The following CDYL2 variants were observed in gnomAD, a reference collection of about 807,000 sequenced individuals.
CDYL2 encodes the protein chromodomain Y like 2.
In CDYL2, 23 loss-of-function variants were observed where a neutral mutation model predicts 49.4. The observed-to-expected ratio is 0.47, with a 90% CI of 0.34 to 0.66. CDYL2 has a LOEUF of 0.66. Ranked by LOEUF, CDYL2 falls within the 30% of genes least tolerant of loss-of-function variation. The pLI, the probability that CDYL2 is intolerant of heterozygous loss-of-function variation, is 0.01. For missense variants in CDYL2, 678 were observed against 656.4 expected, an observed-to-expected ratio of 1.03 and a Z score of -0.36; for synonymous variants, 360 against 268.8, an observed-to-expected ratio of 1.34 and a Z score of -3.32.
intron 1 of CDYL2, among the ~76,000 whole-genome samples, chr16:80,781,052 A>G (rs1003953792): frequency 6.6e-6 from 1 of 152,214 alleles, no homozygotes; most frequent in African/African-American, 2.4e-5. Flanking sequence ...AAGCCCAGAA[A>G]TAATAAGCCC....
intron 1 of CDYL2, among the ~76,000 whole-genome samples, chr16:80,712,195 A>G (rs1190536790): frequency 2.5e-5 from 3 of 117,812 alleles, no homozygotes; most frequent in South Asian, 2.8e-4. Context: ...GTGTGTGTAT[A>G]TATATATATA....
intron 5 of CDYL2, among the ~76,000 whole-genome samples, chr16:80,610,255 C>T (rs1274788208): frequency 3.9e-5 from 6 of 152,112 alleles, no homozygotes; most frequent in African/African-American, 7.2e-5. Flanking sequence ...CAAAGGAAGA[C>T]GAGGAAGAAA....
intron 1 of CDYL2, among the ~76,000 whole-genome samples, chr16:80,762,332 G>A (rs764564042): frequency 3.3e-5 from 5 of 152,186 alleles, no homozygotes; most frequent in Non-Finnish European, 7.3e-5. Context: ...AAGAAAGAAC[G>A]TAAGAAAGCA....
intron 1 of CDYL2, among the ~76,000 whole-genome samples, chr16:80,726,857 C>T (rs1419284634): frequency 6.6e-6 from 1 of 151,876 alleles, no homozygotes; most frequent in African/African-American, 2.4e-5. Context: ...GAGGCTGAGG[C>T]AGGAGGATCA....
chr16:80,682,437 G>C (rs1416429865), intron 2 of CDYL2, among the ~76,000 whole-genome samples: 1 of 152,162 alleles, frequency 6.6e-6, no homozygotes, highest in Non-Finnish European at 1.5e-5. Context: ...ATGGACCAGG[G>C]GGCATCAGCA....
chr16:80,642,794 C>T (rs933641876), intron 2 of CDYL2, among the ~76,000 whole-genome samples: 3 of 152,088 alleles, frequency 2.0e-5, no homozygotes, highest in African/African-American at 7.2e-5. Flanking sequence ...GGGAAAATTG[C>T]CCCCATGATT....
intron 4 of CDYL2, among the ~76,000 whole-genome samples, chr16:80,615,124 C>G (rs372160521): frequency 1.3e-5 from 2 of 152,106 alleles, no homozygotes; most frequent in Non-Finnish European, 2.9e-5. Context: ...AGCTCTCAGT[C>G]CCTGCTGGCC....
chr16:80,636,698 C>A (rs28846148), intron 2 of CDYL2, among the ~76,000 whole-genome samples: 9,051 of 152,148 alleles, frequency 0.059, 826 homozygotes, highest in African/African-American at 0.2. Flanking sequence ...GCAATCCCAT[C>A]CTGGGTATAT....
chr16:80,731,387 A>C (rs1309282273), intron 1 of CDYL2, among the ~76,000 whole-genome samples: 1 of 152,142 alleles, frequency 6.6e-6, no homozygotes, highest in African/African-American at 2.4e-5. Flanking sequence ...TCTGAATAAC[A>C]AAAGTTCAAA....
At chr16:80,675,567 G>A (rs943459757) in intron 2 of CDYL2, among the ~76,000 whole-genome samples, 5 of 152,164 alleles carry the variant, frequency 3.3e-5, no homozygotes, top group Admixed American at 3.3e-4. Context: ...GAGTCAGGGT[G>A]GAGGAAGGCC....
chr16:80,681,565 TCAAG>T (rs896902018), intron 2 of CDYL2, among the ~76,000 whole-genome samples: 5 of 152,214 alleles, frequency 3.3e-5, no homozygotes, highest in Admixed American at 3.3e-4. Context: ...TCCTTCTCTC[TCAAG>T]CAAGGATTCT....
At chr16:80,679,612 T>C in intron 2 of CDYL2, 1 of 443,490 alleles carries the variant, frequency 2.3e-6, no homozygotes, top group Non-Finnish European at 4.5e-6. Context: ...CTCAGGGAAG[T>C]ACTTATACTC....
chr16:80,614,417 T>C (rs1906734777), intron 4 of CDYL2, among the ~76,000 whole-genome samples: 1 of 152,218 alleles, frequency 6.6e-6, no homozygotes, highest in Admixed American at 6.5e-5. Context: ...TGGAAGACAT[T>C]TGCCGAGCCA....
intron 1 of CDYL2, among the ~76,000 whole-genome samples, chr16:80,742,514 A>C (rs1034484341): frequency 1.3e-5 from 2 of 151,178 alleles, no homozygotes; most frequent in African/African-American, 4.9e-5. Flanking sequence ...GGATACACTA[A>C]CGAATGAATA....
At chr16:80,645,901 C>T (rs1423582193) in intron 2 of CDYL2, among the ~76,000 whole-genome samples, 10 of 147,736 alleles carry the variant, frequency 6.8e-5, no homozygotes, top group South Asian at 2.1e-4. Flanking sequence ...AACCAAACAC[C>T]GCATGTTCTC....
intron 2 of CDYL2, among the ~76,000 whole-genome samples, chr16:80,681,276 G>C (rs1359787414): frequency 1.3e-5 from 2 of 152,038 alleles, no homozygotes; most frequent in African/African-American, 2.4e-5. Context: ...GCCCTCCTTT[G>C]TGCTGCAAAC....
chr16:80,614,869 G>GAA (rs57112645), intron 4 of CDYL2, among the ~76,000 whole-genome samples: 30 of 71,256 alleles, frequency 4.2e-4, no homozygotes, highest in Non-Finnish European at 4.6e-4. Context: ...GTCTCAGGGA[G>GAA]AAAAAAAAAA....
chr16:80,768,203 C>A (rs1271466341), intron 1 of CDYL2, among the ~76,000 whole-genome samples: 1 of 152,196 alleles, frequency 6.6e-6, no homozygotes, highest in Non-Finnish European at 1.5e-5. Flanking sequence ...GGAAACAGAA[C>A]ATACTAGAGA....
At chr16:80,610,807 G>A (rs1293497282) in intron 5 of CDYL2, among the ~76,000 whole-genome samples, 7 of 152,126 alleles carry the variant, frequency 4.6e-5, no homozygotes, top group Non-Finnish European at 8.8e-5. Context: ...TCACCTAAGG[G>A]GTGCTTCTCT....
Sources: allele counts gnomAD v4.1 joint callset (sites outside exome capture counted in the v4.1 genomes callset), GRCh38; gene constraint gnomAD v4.1.1; transcripts MANE v1.5; gene names NCBI Gene and HGNC (gene_info 2026-07-23, HGNC 2026-07-21).